RAB38: variants seen among roughly 807,000 people sequenced by gnomAD.
RAB38 encodes the protein RAB38, member RAS oncogene family.
In RAB38, 15 loss-of-function variants were observed where a neutral mutation model predicts 18.4. That is an observed-to-expected ratio of 0.82 (90% CI 0.55 to 1.26). The LOEUF (loss-of-function observed/expected upper bound fraction) is 1.26, where lower values mean the gene tolerates loss of function less well. Ranked by LOEUF, RAB38 falls within the 50% of genes most tolerant of loss-of-function variation. RAB38 has a pLI of 0.00. For missense variants in RAB38, 294 were observed against 267.4 expected, an observed-to-expected ratio of 1.10 and a Z score of -0.69; for synonymous variants, 101 against 104.4, an observed-to-expected ratio of 0.97 and a Z score of 0.20.
intron 1 of RAB38, among the ~76,000 whole-genome samples, chr11:88,169,132 A>T (rs1411818372): frequency 6.6e-6 from 1 of 152,214 alleles, no homozygotes; most frequent in Admixed American, 6.5e-5. Flanking sequence ...AGGCATATGT[A>T]CTATCTGACT....
intron 1 of RAB38, among the ~76,000 whole-genome samples, chr11:88,174,820 C>T (rs1943362344): frequency 6.6e-6 from 1 of 152,188 alleles, no homozygotes; most frequent in African/African-American, 2.4e-5. Context: ...CACGGAAGGA[C>T]GTGCGTGACA....
the RAB38 span, among the ~76,000 whole-genome samples, chr11:87,897,344 A>G: frequency 6.6e-6 from 1 of 151,500 alleles, no homozygotes; most frequent in African/African-American, 2.4e-5. Context: ...GGTTTTGCAA[A>G]CACTGGTATT....
chr11:88,142,234 T>C (rs1277720181), intron 2 of RAB38, among the ~76,000 whole-genome samples: 1 of 152,204 alleles, frequency 6.6e-6, no homozygotes, highest in Non-Finnish European at 1.5e-5. Flanking sequence ...GTCAGAATCA[T>C]GACACAAGGC....
the RAB38 span, among the ~76,000 whole-genome samples, chr11:88,094,637 T>A: frequency 6.6e-6 from 1 of 151,864 alleles, no homozygotes; most frequent in Non-Finnish European, 1.5e-5. Flanking sequence ...TCTTTCCCTC[T>A]ATCAGACTTT....
downstream of RAB38, among the ~76,000 whole-genome samples, chr11:88,110,913 G>GAT (rs925484391): frequency 1.3e-4 from 20 of 149,942 alleles, no homozygotes; most frequent in African/African-American, 4.8e-4. Context: ...GTCCAAGGCA[G>GAT]GTGGATCACT....
the RAB38 span, among the ~76,000 whole-genome samples, chr11:88,106,360 C>T: frequency 6.6e-6 from 1 of 152,096 alleles, no homozygotes; most frequent in African/African-American, 2.4e-5. Flanking sequence ...CATAAGGTAA[C>T]TTCTTCAAAG....
chr11:87,969,652 G>A, the RAB38 span, among the ~76,000 whole-genome samples: 2 of 152,278 alleles, frequency 1.3e-5, no homozygotes, highest in South Asian at 4.1e-4. Flanking sequence ...CATTTGGTCT[G>A]TGTCGGGAAA....
chr11:88,125,448 C>G (rs1340510261), intron 2 of RAB38, among the ~76,000 whole-genome samples: 2 of 152,116 alleles, frequency 1.3e-5, no homozygotes, highest in African/African-American at 2.4e-5. Flanking sequence ...TTGACATTCT[C>G]CTTTGAATTT....
the RAB38 span, among the ~76,000 whole-genome samples, chr11:88,065,603 T>C: frequency 6.6e-6 from 1 of 152,218 alleles, no homozygotes; most frequent in Non-Finnish European, 1.5e-5. Flanking sequence ...GCCTGAATAT[T>C]GGCTCTCCCA....
chr11:88,014,929 T>C, the RAB38 span, among the ~76,000 whole-genome samples: 1 of 152,130 alleles, frequency 6.6e-6, no homozygotes. Flanking sequence ...TGGCAACCTC[T>C]GGAAAGTTGT....
chr11:87,881,926 TC>T, the RAB38 span, among the ~76,000 whole-genome samples: 1 of 151,536 alleles, frequency 6.6e-6, no homozygotes, highest in Admixed American at 6.6e-5. Context: ...TGGCAGAGAG[TC>T]CTGTATTCAG....
the RAB38 span, among the ~76,000 whole-genome samples, chr11:88,047,767 A>C: frequency 1.3e-5 from 2 of 152,210 alleles, no homozygotes; most frequent in African/African-American, 4.8e-5. Context: ...ATAGCTAAAA[A>C]AGCAGCTAGT....
the RAB38 span, among the ~76,000 whole-genome samples, chr11:88,032,991 T>C: frequency 1.3e-5 from 2 of 152,056 alleles, no homozygotes; most frequent in Non-Finnish European, 2.9e-5. Context: ...TGTCCAACAA[T>C]GATAGACTGG....
chr11:88,085,014 T>A, the RAB38 span, among the ~76,000 whole-genome samples: 1 of 151,918 alleles, frequency 6.6e-6, no homozygotes. Context: ...GGTAATTCGA[T>A]AAGAGTTTAG....
At chr11:88,076,364 C>A in the RAB38 span, among the ~76,000 whole-genome samples, 4 of 152,010 alleles carry the variant, frequency 2.6e-5, no homozygotes, top group African/African-American at 9.7e-5. Flanking sequence ...AGACCTGAAA[C>A]AAGACAAAGA....
the RAB38 span, among the ~76,000 whole-genome samples, chr11:87,883,019 T>A: frequency 6.6e-6 from 1 of 151,936 alleles, no homozygotes; most frequent in Non-Finnish European, 1.5e-5. Context: ...TACATTTTTT[T>A]AGTCCTGTAT....
At chr11:88,067,972 C>G in the RAB38 span, among the ~76,000 whole-genome samples, 1 of 102,286 alleles carries the variant, frequency 9.8e-6, no homozygotes, top group Non-Finnish European at 1.9e-5. Flanking sequence ...TATATATACA[C>G]ATATATATAC....
At chr11:88,032,756 G>C in the RAB38 span, among the ~76,000 whole-genome samples, 1 of 152,178 alleles carries the variant, frequency 6.6e-6, no homozygotes, top group Admixed American at 6.5e-5. Flanking sequence ...TGAAGAAATA[G>C]GAACACTTTT....
intron 2 of RAB38, among the ~76,000 whole-genome samples, chr11:88,122,106 A>T (rs1942638369): frequency 6.6e-6 from 1 of 152,098 alleles, no homozygotes; most frequent in Non-Finnish European, 1.5e-5. Flanking sequence ...ATCTGAGTTC[A>T]ACATCCTCGC....
Sources: allele counts gnomAD v4.1 joint callset (sites outside exome capture counted in the v4.1 genomes callset), GRCh38; gene constraint gnomAD v4.1.1; transcripts MANE v1.5; gene names NCBI Gene and HGNC (gene_info 2026-07-23, HGNC 2026-07-21).